RXRA: variants seen among roughly 807,000 people sequenced by gnomAD.
RXRA encodes retinoic acid receptor RXR-alpha.
RXRA carries 5 observed loss-of-function variants against 44.5 expected under a neutral mutation model. The ratio of observed to expected loss-of-function variants is 0.11; its 90% CI spans 0.06 to 0.24. RXRA has a LOEUF of 0.24. RXRA is among the 10% of genes least tolerant of loss of function. The probability of loss-of-function intolerance (pLI) is 1.00; values close to 1 mark genes in which losing one functional copy is unlikely to be tolerated. For synonymous variants in RXRA, 291 were observed against 271.4 expected, an observed-to-expected ratio of 1.07 and a Z score of -0.71; for missense variants, 412 against 646.5, an observed-to-expected ratio of 0.64 and a Z score of 3.93.
At chr9:134,422,230 C>A in intron 6 of RXRA, 1 of 1,287,488 alleles carries the variant, frequency 7.8e-7, no homozygotes, top group Non-Finnish European at 1.0e-6. Context: ...GGACATACTC[C>A]CCACTCCTGG....
intron 6 of RXRA, chr9:134,423,540 C>T (rs967548135): frequency 1.0e-6 from 1 of 985,350 alleles, no homozygotes; most frequent in African/African-American, 1.7e-5. Flanking sequence ...CGTCGCCACC[C>T]TCCTGGAAGG....
intron 1 of RXRA, among the ~76,000 whole-genome samples, chr9:134,333,842 G>A (rs1042150400): frequency 2.0e-5 from 3 of 152,174 alleles, no homozygotes; most frequent in Non-Finnish European, 2.9e-5. Flanking sequence ...TGAATCGGGC[G>A]CTCTCGGGCC....
chr9:134,362,154 G>A (rs1588264633), intron 1 of RXRA, among the ~76,000 whole-genome samples: 1 of 152,260 alleles, frequency 6.6e-6, no homozygotes, highest in East Asian at 1.9e-4. Context: ...GGGAGGGGAT[G>A]GGCTCAGAGG....
intron 1 of RXRA, among the ~76,000 whole-genome samples, chr9:134,355,518 T>C (rs993906600): frequency 1.3e-5 from 2 of 149,346 alleles, no homozygotes; most frequent in African/African-American, 2.4e-5. Context: ...TTGCCTGGGC[T>C]TCACTTCTCA....
chr9:134,336,134 CTG>C (rs562168483), intron 1 of RXRA, among the ~76,000 whole-genome samples: 202 of 152,300 alleles, frequency 1.3e-3, no homozygotes, highest in African/African-American at 4.5e-3. Context: ...CCAGGTCACT[CTG>C]GGCACAGACA....
intron 1 of RXRA, among the ~76,000 whole-genome samples, chr9:134,357,542 G>A (rs1223667725): frequency 6.6e-6 from 1 of 152,022 alleles, no homozygotes; most frequent in Non-Finnish European, 1.5e-5. Context: ...TGGGGGAGTC[G>A]TGGGTGGAGG....
intron 6 of RXRA, chr9:134,422,326 C>T: frequency 7.8e-7 from 1 of 1,287,044 alleles, no homozygotes; most frequent in Non-Finnish European, 1.0e-6. Context: ...ACACTCCCCA[C>T]TCCTGGGACA....
intron 1 of RXRA, among the ~76,000 whole-genome samples, chr9:134,364,054 G>T: frequency 6.6e-6 from 1 of 152,206 alleles, no homozygotes; most frequent in South Asian, 2.1e-4. Flanking sequence ...GGCATACCGG[G>T]TCTGCACCAG....
chr9:134,424,935 C>G (rs373855985), intron 6 of RXRA: 52 of 985,476 alleles, frequency 5.3e-5, no homozygotes, highest in Non-Finnish European at 6.1e-5. Context: ...AGTGCTCCCC[C>G]ATTATGTCCC....
At chr9:134,340,081 G>A (rs1219832122) in intron 1 of RXRA, among the ~76,000 whole-genome samples, 5 of 151,942 alleles carry the variant, frequency 3.3e-5, no homozygotes, top group Non-Finnish European at 4.4e-5. Context: ...GTGTGTATCC[G>A]TGTGCACTTG....
intron 1 of RXRA, among the ~76,000 whole-genome samples, chr9:134,339,138 C>G (rs1830050912): frequency 6.6e-6 from 1 of 152,244 alleles, no homozygotes; most frequent in African/African-American, 2.4e-5. Flanking sequence ...GGCTCAGGGC[C>G]CTGCCTCCCT....
At chr9:134,331,363 A>G (rs1396875455) in intron 1 of RXRA, among the ~76,000 whole-genome samples, 6 of 152,230 alleles carry the variant, frequency 3.9e-5, no homozygotes, top group Non-Finnish European at 1.5e-5. Flanking sequence ...GCTAAGGAAA[A>G]TTGGCCCGGC....
In RXRA at chr9:134,366,107, G is replaced by A. The variant is rs905850089; in HGVS notation, c.29-35525G>A. Among the ~76,000 whole-genome samples, 9 of 152,144 alleles carry A rather than the reference G, an allele frequency of 5.9e-5. No individual in the cohort carries two copies. Among genetic ancestry groups the A allele is most frequent in the Admixed American group, 1.3e-4 (2 of 15,278 alleles). ...CGTGCCTCAGTAACAACCTGGGAGC[G>A]GTGCTGTCCCTGGGTACAGATGAGA... On this transcript the variant is annotated intron_variant, in intron 1 of 9. Coordinates refer to ENST00000481739, the MANE Select transcript of RXRA (RefSeq NM_002957.6). The surrounding 1 kb of genome is among the most constrained non-coding windows in gnomAD (Gnocchi z 5.9).
intron 1 of RXRA, among the ~76,000 whole-genome samples, chr9:134,345,024 C>T (rs570587389): frequency 5.9e-5 from 9 of 152,302 alleles, no homozygotes; most frequent in South Asian, 4.1e-4. Context: ...CTGGGGACAG[C>T]GGCCAGAATC....
intron 1 of RXRA, among the ~76,000 whole-genome samples, chr9:134,334,315 C>T (rs1248152556): frequency 2.0e-5 from 3 of 152,270 alleles, no homozygotes; most frequent in African/African-American, 7.2e-5. Context: ...AGAAGCACCT[C>T]TCCTGCCTGT....
At position 134,407,938 on chromosome 9, in the gene RXRA, G is replaced by T. The variant is rs545642850; in HGVS notation, c.280-211G>T. Among the ~76,000 whole-genome samples the T allele has an allele frequency of 1.1e-4, 17 of 152,082 alleles. No individual in the cohort carries two copies. Among genetic ancestry groups the T allele is most frequent in the Non-Finnish European group, 2.4e-4 (16 of 67,934 alleles). On this transcript the variant is annotated intron_variant, in intron 2 of 9. Transcript: ENST00000481739. The surrounding 1 kb of genome is among the most constrained non-coding windows in gnomAD (Gnocchi z 4.8). ...GGGTCTGCTGCGGGCGAGTCCTGAG[G>T]TTGCCACAGCCTCTGCTGGCCTTGC...
rs370833219 is a variant in RXRA at position 134,364,579 on chromosome 9, C to T, written c.29-37053C>T. Among the ~76,000 whole-genome samples the T allele has an allele frequency of 7.2e-5, 11 of 152,358 alleles. No homozygotes were observed. In the South Asian group the frequency reaches 1.0e-3, roughly 14 times the overall value. ...GGGCATGGTTCTGGTGGGGCCTCAC[C>T]TGCCCTTCTGGCCTTGGCCCCTGCA... On this transcript the variant is annotated intron_variant, in intron 1 of 9. Transcript: ENST00000481739.
intron 1 of RXRA, among the ~76,000 whole-genome samples, chr9:134,392,821 G>A (rs1023388528): frequency 6.6e-6 from 1 of 152,096 alleles, no homozygotes; most frequent in Non-Finnish European, 1.5e-5. Flanking sequence ...GGGGATGGGC[G>A]TCCCTTGAGG....
At chr9:134,416,476 G>T (rs917980828) in intron 4 of RXRA, among the ~76,000 whole-genome samples, 1 of 152,194 alleles carries the variant, frequency 6.6e-6, no homozygotes, top group Non-Finnish European at 1.5e-5. Flanking sequence ...GCATCTCGGT[G>T]CCCTGCATGG....
Sources: gnomAD v4.1 joint callset for allele counts (sites outside exome capture counted in the v4.1 genomes callset) on GRCh38, gnomAD v4.1.1 for gene constraint, Gnocchi (gnomAD v3.1) non-coding constraint, MANE v1.5 for transcripts, NCBI Gene and HGNC (gene_info 2026-07-23, HGNC 2026-07-21) for gene names.